Variants in EGLN3 observed in about 807,000 individuals in gnomAD.
EGLN3 encodes prolyl hydroxylase EGLN3.
A neutral mutation model predicts 26.0 loss-of-function variants in EGLN3; 15 were observed. That is an observed-to-expected ratio of 0.58 (90% CI 0.39 to 0.89). The LOEUF (loss-of-function observed/expected upper bound fraction) is 0.89. EGLN3 is among the 40% of genes least tolerant of loss of function. EGLN3 has a pLI of 0.00. For synonymous variants in EGLN3, 147 were observed against 127.2 expected (o/e 1.16, Z -1.05); for missense variants, 238 against 311.6 (o/e 0.76, Z 1.78).
intron 3 of EGLN3, among the ~76,000 whole-genome samples, chr14:33,927,439 G>A (rs1441448251): frequency 6.6e-6 from 1 of 152,186 alleles, no homozygotes; most frequent in East Asian, 1.9e-4. Flanking sequence ...GATTGCAGGT[G>A]TGAGCCACCA....
In EGLN3 at chr14:33,950,447, G is replaced by A; in HGVS notation, c.306C>T (p.Val102=). 1 of 1,613,408 alleles carries A rather than the reference G, an allele frequency of 6.2e-7. No individual in the cohort carries two copies. The highest frequency in any genetic ancestry group is 8.5e-7 in the Non-Finnish European group (1 of 1,180,030). The change falls in exon 1 of 5, where the codon GTC becomes GTT. Residue 102 remains valine (V), a synonymous_variant. Transcript: ENST00000250457. ...TGCCCAGCCGGCTCCCGCAGTAGAGGACCAGCCTGTCGATGAGGGACAGGA... is the reference window on the plus strand; with the variant it reads ...TGCCCAGCCGGCTCCCGCAGTAGAGAACCAGCCTGTCGATGAGGGACAGGA... ...SFLLSLIDRL[V]LYCGSRLGKY...
chr14:33,934,954 G>A (rs1430057018), intron 1 of EGLN3, among the ~76,000 whole-genome samples: 1 of 152,204 alleles, frequency 6.6e-6, no homozygotes, highest in Non-Finnish European at 1.5e-5. Flanking sequence ...TCTGGTTGAA[G>A]GAGCTTTAAA....
chr14:33,939,174 C>T (rs2064463243), intron 1 of EGLN3, among the ~76,000 whole-genome samples: 1 of 151,632 alleles, frequency 6.6e-6, no homozygotes, highest in South Asian at 2.1e-4. Context: ...AGTTACCAAT[C>T]AAAATGTCAT....
chr14:33,930,199 T>C (rs1204225603), intron 2 of EGLN3, among the ~76,000 whole-genome samples: 1 of 152,188 alleles, frequency 6.6e-6, no homozygotes, highest in Non-Finnish European at 1.5e-5. Context: ...AATTTATTAT[T>C]ACCAGTCTGA....
chr14:33,929,931 C>G (rs75465697), intron 2 of EGLN3, among the ~76,000 whole-genome samples: 4,996 of 152,258 alleles, frequency 0.033, 274 homozygotes, highest in African/African-American at 0.11. Flanking sequence ...TTCTGAACTC[C>G]CTTAGCTCCT....
chr14:33,933,017 C>G (rs1435466298), intron 1 of EGLN3, among the ~76,000 whole-genome samples: 2 of 152,156 alleles, frequency 1.3e-5, no homozygotes, highest in South Asian at 2.1e-4. Context: ...AGGCTCCCCC[C>G]ACTGAGTGTG....
At chr14:33,926,938 C>T (rs898741261) in intron 4 of EGLN3, 22 bp downstream of exon 4, 6 of 1,573,474 alleles carry the variant, frequency 3.8e-6, no homozygotes, top group Non-Finnish European at 5.2e-6. Flanking sequence ...TCAAAAGTCA[C>T]AGAAAATTAT....
rs1566603129 is a variant in EGLN3 at position 33,950,877 on chromosome 14, A to G, written c.-125T>C. On this transcript the variant is annotated 5_prime_UTR_variant, in exon 1 of 5. Coordinates refer to ENST00000250457, the MANE Select transcript of EGLN3 (RefSeq NM_022073.4). ...TTCAGAAACCTGCGGCTGCCACGGT[A>G]CCCGAGCCGCTGCAGCGTCGGGGAC... The G allele has an allele frequency of 2.6e-6, 2 of 778,912 alleles. No individual in the cohort carries two copies. Among genetic ancestry groups the G allele is most frequent in the East Asian group, 5.3e-5 (2 of 37,662 alleles). The allele number at this position is 778,912 out of a possible 1,614,324, so 48.3% of individuals were successfully genotyped here. A position where few individuals can be genotyped will look rare whatever the true frequency, so the allele number is the denominator to read the frequency against.
chr14:33,934,897 A>G (rs1250044476), intron 1 of EGLN3, among the ~76,000 whole-genome samples: 1 of 152,250 alleles, frequency 6.6e-6, no homozygotes, highest in Non-Finnish European at 1.5e-5. Context: ...CAATAAATGA[A>G]AATCCATTGT....
intron 1 of EGLN3, among the ~76,000 whole-genome samples, chr14:33,931,922 T>C (rs531744270): frequency 6.6e-6 from 1 of 152,228 alleles, no homozygotes; most frequent in African/African-American, 2.4e-5. Context: ...GTGCTACCTG[T>C]ATCAACCAGG....
intron 1 of EGLN3, among the ~76,000 whole-genome samples, chr14:33,943,786 A>G (rs935566719): frequency 5.3e-5 from 8 of 152,116 alleles, no homozygotes; most frequent in East Asian, 1.9e-4. Context: ...TCTTTCATAC[A>G]TGGTGTGTTC....
At chr14:33,945,998 T>C (rs959002287) in intron 1 of EGLN3, among the ~76,000 whole-genome samples, 6 of 152,318 alleles carry the variant, frequency 3.9e-5, no homozygotes, top group African/African-American at 1.4e-4. Flanking sequence ...CTGTTCACAA[T>C]GCAGTCCTCA....
Position 33,928,206 on chromosome 14 carries a change from C to T in EGLN3, c.614+870G>A, listed in dbSNP as rs565830694. Among the ~76,000 whole-genome samples, 20 of 152,178 alleles carry T rather than the reference C, an allele frequency of 1.3e-4. No individual in the cohort carries two copies. In the South Asian group the frequency reaches 3.5e-3, roughly 27 times the overall value. On this transcript the variant is annotated intron_variant, in intron 3 of 4. Transcript: ENST00000250457. ...TTCCCTGCTCATCTAGAAGACATTCCGATTTGGCAGTTAATATATAACTGG... is the reference window on the plus strand; with the variant it reads ...TTCCCTGCTCATCTAGAAGACATTCTGATTTGGCAGTTAATATATAACTGG...
At chr14:33,948,921 AG>A (rs1316523737) in intron 1 of EGLN3, 1 of 152,218 alleles carries the variant, frequency 6.6e-6, no homozygotes, top group African/African-American at 2.4e-5. Flanking sequence ...CCTCCACCAC[AG>A]AAGACAGCAA....
chr14:33,941,109 A>G (rs1199788302), intron 1 of EGLN3, among the ~76,000 whole-genome samples: 1 of 152,236 alleles, frequency 6.6e-6, no homozygotes, highest in East Asian at 1.9e-4. Context: ...AAGTGGGCTC[A>G]GAGAACTGAC....
chr14:33,932,987 G>C (rs1374506388), intron 1 of EGLN3, among the ~76,000 whole-genome samples: 2 of 152,098 alleles, frequency 1.3e-5, no homozygotes, highest in Non-Finnish European at 2.9e-5. Flanking sequence ...ACAATTACAG[G>C]CTGGATTCCC....
rs373373567 is a variant in EGLN3 at position 33,936,211 on chromosome 14, C to T, written c.358-4996G>A. Among the ~76,000 whole-genome samples, 30 of 138,432 alleles carry T rather than the reference C, an allele frequency of 2.2e-4. No individual in the cohort carries two copies. In the South Asian group the frequency reaches 6.5e-3, roughly 30 times the overall value. The allele number at this position is 138,432 out of a possible 152,430, so 90.8% of individuals were successfully genotyped here. On this transcript the variant is annotated intron_variant, in intron 1 of 4. Coordinates refer to ENST00000250457, the MANE Select transcript of EGLN3 (RefSeq NM_022073.4). The stretch of plus-strand genomic sequence containing the variant: ...CACCACTGCACTCCAGCCTGGGCGA[C>T]AGAGCGAGATGCTGTCTCAAAAAAT...
At chr14:33,931,447 G>A (rs1194463175) in intron 1 of EGLN3, 2 of 517,494 alleles carry the variant, frequency 3.9e-6, no homozygotes, top group African/African-American at 3.8e-5. Flanking sequence ...TATTCCCACA[G>A]TTCTAGAACA....
At chr14:33,931,456 C>G (rs531925123) in intron 1 of EGLN3, 4 of 486,294 alleles carry the variant, frequency 8.2e-6, no homozygotes, top group African/African-American at 7.7e-5. Context: ...AGTTCTAGAA[C>G]ATTTTACACA....
Sources: gnomAD v4.1 joint callset for allele counts (sites outside exome capture counted in the v4.1 genomes callset) on GRCh38, gnomAD v4.1.1 for gene constraint, MANE v1.5 for transcripts, NCBI Gene and HGNC (gene_info 2026-07-23, HGNC 2026-07-21) for gene names.